The following TMEM120A variants were observed in gnomAD, a reference collection of about 807,000 sequenced individuals.
TMEM120A encodes transmembrane protein 120A, also known as ion channel TACAN.
A neutral mutation model predicts 54.3 loss-of-function variants in TMEM120A; 45 were observed. That is an observed-to-expected ratio of 0.83 (90% confidence interval 0.65 to 1.06). The LOEUF (loss-of-function observed/expected upper bound fraction) is 1.06, where lower values mean the gene tolerates loss of function less well. Among genes scored for constraint, TMEM120A ranks in the 50% least tolerant of loss-of-function variants. TMEM120A has a pLI of 0.00. For missense variants in TMEM120A, 424 were observed against 441.7 expected, an observed-to-expected ratio of 0.96 and a Z score of 0.36; for synonymous variants, 204 against 178.5, an observed-to-expected ratio of 1.14 and a Z score of -1.14.
chr7:75,989,114 G>GTGGA lies in TMEM120A; in HGVS notation c.377+50_377+51insTCCA, dbSNP rs1789727072. Reference sequence around the variant, plus strand: ...GGTTGAGGGGGGGAGGGGGGTAGGGGGCTAGGGGTGGAGGGGTGGAGGTTG... The same window carrying GTGGA: ...GGTTGAGGGGGGGAGGGGGGTAGGGGTGGAGCTAGGGGTGGAGGGGTGGAGGTTG... On this transcript the variant is annotated intron_variant, in intron 4 of 11. Coordinates refer to ENST00000493111, the MANE Select transcript of TMEM120A (RefSeq NM_031925.3). 2.7e-5 allele frequency: 9 copies of GTGGA among 336,528 alleles called. 1 individual carries two copies. In the African/African-American group the frequency reaches 3.6e-4, roughly 13 times the overall value. The allele number at this position is 336,528 out of a possible 1,614,324, so 20.8% of individuals were successfully genotyped here.
chr7:75,993,178 T>C (rs968523997), intron 1 of TMEM120A, among the ~76,000 whole-genome samples: 5 of 152,248 alleles, frequency 3.3e-5, no homozygotes, highest in Admixed American at 6.5e-5. Context: ...ACCTTGAGTC[T>C]GGAGCTTAGG....
At chr7:75,993,515 G>A (rs572016879) in intron 1 of TMEM120A, among the ~76,000 whole-genome samples, 2 of 152,388 alleles carry the variant, frequency 1.3e-5, no homozygotes, top group South Asian at 2.1e-4. Context: ...CCAGGACAGC[G>A]GCGGCCAGGC....
At chr7:75,994,253 G>A (rs1789966677) in intron 1 of TMEM120A, among the ~76,000 whole-genome samples, 1 of 152,206 alleles carries the variant, frequency 6.6e-6, no homozygotes, top group African/African-American at 2.4e-5. Context: ...CCCTTTCCAA[G>A]GCCCTCATTG....
chr7:75,989,265 C>G (rs1554561339), intron 3 of TMEM120A, 41 bp from the exon 4 acceptor site: 1 of 1,348,362 alleles, frequency 7.4e-7, no homozygotes, highest in Non-Finnish European at 1.0e-6. Flanking sequence ...GCCCGAGTGA[C>G]AGACAAGCCA....
At position 75,992,353 on chromosome 7, in the gene TMEM120A, AG is replaced by A; in HGVS notation, c.200+85del. Reference sequence around the variant, plus strand: ...GCAGAAGGGCAAACAGGGCCCAGAGAGGGGAGGGGCGGTGCCCAGGGTCTCA... The same window carrying A: ...GCAGAAGGGCAAACAGGGCCCAGAGAGGGAGGGGCGGTGCCCAGGGTCTCA... On this transcript the variant is annotated intron_variant, in intron 2 of 11. Coordinates refer to ENST00000493111, the MANE Select transcript of TMEM120A (RefSeq NM_031925.3). The A allele has an allele frequency of 1.9e-6, 3 of 1,549,762 alleles. No homozygotes were observed. In the South Asian group the frequency reaches 3.5e-5, roughly 18 times the overall value.
chr7:75,988,179 G>A (rs201980521), intron 6 of TMEM120A, 31 bp from the exon 7 acceptor site: 673 of 1,610,938 alleles, frequency 4.2e-4, no homozygotes, highest in Non-Finnish European at 5.2e-4. Context: ...CACCCCCAGC[G>A]CCTGTTCCTG....
chr7:75,987,875 C>G, intron 8 of TMEM120A, 48 bp downstream of exon 8: 1 of 1,598,162 alleles, frequency 6.3e-7, no homozygotes, highest in Non-Finnish European at 8.5e-7. Flanking sequence ...CCCCTGCCCC[C>G]CACCACGGGT....
At chr7:75,987,639 G>A (rs1554560231) in intron 9 of TMEM120A, 37 bp from the exon 10 acceptor site, 1 of 1,604,776 alleles carries the variant, frequency 6.2e-7, no homozygotes, top group Non-Finnish European at 8.5e-7. Flanking sequence ...GACGGCCAGG[G>A]ACAGAGGGGA....
rs547424401 is a variant in TMEM120A, at chr7:75,988,418, C to T, written c.473+3G>A. On this transcript the variant is annotated splice_donor_region_variant and intron_variant, in intron 5 of 11. Coordinates refer to ENST00000493111, the MANE Select transcript of TMEM120A (RefSeq NM_031925.3). Reference sequence around the variant, plus strand: ...GGGTCCTCGGCCGGGGTGGGACGCCCACCTGGAGTTGAGCAGGAAGCGGCA... The same window carrying T: ...GGGTCCTCGGCCGGGGTGGGACGCCTACCTGGAGTTGAGCAGGAAGCGGCA... 39 of 1,611,292 alleles carry T rather than the reference C, an allele frequency of 2.4e-5. No homozygotes were observed. The East Asian group carries it at 8.5e-4, about 35-fold the overall frequency.
intron 1 of TMEM120A, among the ~76,000 whole-genome samples, chr7:75,993,485 G>A (rs999088591): frequency 2.6e-5 from 4 of 152,270 alleles, no homozygotes. Context: ...AGTGTGAGGA[G>A]AGCCAAGCAG....
At chr7:75,994,457 C>CG in intron 1 of TMEM120A, 33 bp downstream of exon 1, 2 of 1,543,538 alleles carry the variant, frequency 1.3e-6, no homozygotes, top group Non-Finnish European at 1.8e-6. Flanking sequence ...AGACGCGGCT[C>CG]GGGGGCGACC....
At chr7:75,993,999 C>T (rs1554562477) in intron 1 of TMEM120A, among the ~76,000 whole-genome samples, 1 of 145,068 alleles carries the variant, frequency 6.9e-6, no homozygotes, top group South Asian at 2.4e-4. Flanking sequence ...TTGATGCAGC[C>T]ACATGGGCCT....
chr7:75,993,817 T>C (rs377431281), intron 1 of TMEM120A, among the ~76,000 whole-genome samples: 9 of 152,140 alleles, frequency 5.9e-5, no homozygotes, highest in East Asian at 5.8e-4. Flanking sequence ...TCCTCCTCCC[T>C]GGCCTCTGGA....
rs782229519 is a variant in TMEM120A, at chr7:75,988,297, C to T, written c.518G>A (p.Cys173Tyr). 6.2e-7 allele frequency: 1 copy of T among 1,612,058 alleles called. No homozygotes were observed. The highest frequency in any genetic ancestry group is 2.2e-5 in the East Asian group (1 of 44,754). Reference protein sequence around the residue: ...AFNFLLVWYYCTLTIRESILI... With the variant: ...AFNFLLVWYYYTLTIRESILI... ...GATGCTCTCCCGGATGGTCAGGGTGCAGTAGTACCAGACCAGCAGGAAGTT... is the reference window on the plus strand; with the variant it reads ...GATGCTCTCCCGGATGGTCAGGGTGTAGTAGTACCAGACCAGCAGGAAGTT... Residue 173 changes from cysteine (C) to tyrosine (Y), a missense_variant, in exon 6 of 12, where the codon TGC becomes TAC. Coordinates refer to ENST00000493111, the MANE Select transcript of TMEM120A (RefSeq NM_031925.3).
In TMEM120A at chr7:75,987,542, C is replaced by T; in HGVS notation, c.845G>A (p.Gly282Glu). The T allele has an allele frequency of 6.3e-7, 1 of 1,593,502 alleles. No individual in the cohort carries two copies. ...GGACACAGAGGCACGACTTACGTGT[C>T]CAAAGAAAAGAAAAGGCAGCAGGAA... ...LTFLLPFLFF[G>E]HFWQLFNALT... is the part of the protein sequence containing the mutation. The change falls in exon 10 of 12, where the codon GGA becomes GAA. Residue 282 changes from glycine to glutamate, a missense_variant. By Grantham distance (98) the Gly-to-Glu change is moderately conservative. Coordinates refer to ENST00000493111, the MANE Select transcript of TMEM120A (RefSeq NM_031925.3).
chr7:75,987,082 T>C lies in TMEM120A; in HGVS notation c.*90A>G. The C allele has an allele frequency of 9.1e-7, 1 of 1,096,010 alleles. No individual in the cohort carries two copies. 67.9% of individuals were successfully genotyped at this position (1,096,010 alleles called of 1,614,324 possible). ...CCAAGGGAGAATAGAAGAGACCCCCTGATACACGCACACTCGAGGGGCGCC... is the reference window on the plus strand; with the variant it reads ...CCAAGGGAGAATAGAAGAGACCCCCCGATACACGCACACTCGAGGGGCGCC... On this transcript the variant is annotated 3_prime_UTR_variant, in exon 12 of 12. Transcript: ENST00000493111.
intron 3 of TMEM120A, among the ~76,000 whole-genome samples, chr7:75,991,368 G>A (rs1017555745): frequency 4.6e-5 from 7 of 151,672 alleles, no homozygotes; most frequent in African/African-American, 7.3e-5. Flanking sequence ...GCTACCTCTC[G>A]CCCTCAGCCC....
At chr7:75,993,132 G>T (rs1218539447) in intron 1 of TMEM120A, among the ~76,000 whole-genome samples, 1 of 152,154 alleles carries the variant, frequency 6.6e-6, no homozygotes, top group African/African-American at 2.4e-5. Flanking sequence ...CCATCTGCTA[G>T]TTGTCCCCAC....
intron 4 of TMEM120A, 94 bp from the exon 5 acceptor site, chr7:75,988,610 TGGA>T (rs1355341963): frequency 3.8e-5 from 20 of 529,790 alleles, no homozygotes; most frequent in African/African-American, 2.3e-4. Flanking sequence ...GGTAGTCGGA[TGGA>T]GGAGAAGGCC....
Sources: gnomAD v4.1 joint callset for allele counts (sites outside exome capture counted in the v4.1 genomes callset) on GRCh38, gnomAD v4.1.1 for gene constraint, MANE v1.5 for transcripts, NCBI Gene and HGNC (gene_info 2026-07-23, HGNC 2026-07-21) for gene names.